LLGL2: variants seen among roughly 807,000 people sequenced by gnomAD.
The protein encoded by LLGL2 is LLGL scribble cell polarity complex component 2, also known as LLGL2, scribble cell polarity complex component.
In LLGL2, 81 loss-of-function variants were observed where a neutral mutation model predicts 123.2. That is an observed-to-expected ratio of 0.66 (90% CI 0.55 to 0.79). The LOEUF is 0.79. LLGL2 is among the 30% of genes least tolerant of loss of function. The pLI is 0.00. For missense variants in LLGL2, 1,273 were observed against 1,414.6 expected (o/e 0.90, Z 1.61); for synonymous variants, 577 against 594.1 (o/e 0.97, Z 0.42).
intron 2 of LLGL2, among the ~76,000 whole-genome samples, chr17:75,550,803 A>AAAC (rs1555653151): frequency 5.9e-5 from 7 of 117,982 alleles, no homozygotes; most frequent in South Asian, 2.6e-4. Flanking sequence ...AAAAAAAAAA[A>AAAC]ACACACACAC....
intron 1 of LLGL2, among the ~76,000 whole-genome samples, chr17:75,537,637 C>G (rs988921375): frequency 6.6e-6 from 1 of 151,590 alleles, no homozygotes; most frequent in Non-Finnish European, 1.5e-5. Context: ...AACACAGTTG[C>G]AGTGAGCTAA....
At chr17:75,529,628 C>T (rs1300940193) in intron 1 of LLGL2, among the ~76,000 whole-genome samples, 3 of 151,820 alleles carry the variant, frequency 2.0e-5, no homozygotes, top group East Asian at 3.9e-4. Flanking sequence ...TTTGGGAGAC[C>T]GAGGCAGACG....
chr17:75,573,699 G>A (rs2055839332), intron 21 of LLGL2, 68 bp downstream of exon 21: 9 of 1,293,802 alleles, frequency 7.0e-6, no homozygotes, highest in Middle Eastern at 2.5e-4. Flanking sequence ...AGATACCGAG[G>A]CTCCCACTGC....
intron 2 of LLGL2, among the ~76,000 whole-genome samples, chr17:75,551,307 G>A (rs1327514839): frequency 6.6e-6 from 1 of 152,058 alleles, no homozygotes; most frequent in African/African-American, 2.4e-5. Flanking sequence ...CCAATCCAAG[G>A]ACAGCTCTGC....
At position 75,564,423 on chromosome 17, in the gene LLGL2, A is replaced by G. The variant is rs1288173361; in HGVS notation, c.952A>G (p.Ile318Val). Residue 318 changes from isoleucine to valine, a missense_variant, in exon 10 of 26, where the codon ATC becomes GTC. Transcript: ENST00000392550. This position sits in a 1 kb window ranked among gnomAD's most constrained non-coding sequence, Gnocchi z 4.9. Reference sequence around the variant, plus strand: ...CGGGGACCGCCACTGCATCTCAGTGATCCACGATGGCCAGCAGACGGCCTT... The same window carrying G: ...CGGGGACCGCCACTGCATCTCAGTGGTCCACGATGGCCAGCAGACGGCCTT... ...SYGDRHCISVIHDGQQTAFDF... is the reference protein window; with the variant it reads ...SYGDRHCISVVHDGQQTAFDF... 6.2e-7 allele frequency: 1 copy of G among 1,613,384 alleles called. No homozygotes were observed. The highest frequency in any genetic ancestry group is 1.1e-5 in the South Asian group (1 of 91,090).
chr17:75,571,003 G>GGC lies in LLGL2; in HGVS notation c.2082_2083dup (p.Pro695ArgfsTer30). On this transcript the variant is annotated frameshift_variant, in exon 17 of 26. Transcript: ENST00000392550. LOFTEE classifies it high-confidence loss of function. ...GGCCAGGCCTCCAGAACATGGAGCT[G>GGC]GCGCCTGTGCAGCGCAAGATCGAGG... is the stretch of plus-strand genomic sequence containing the variant. 6.2e-7 allele frequency: 1 copy of GGC among 1,612,996 alleles called. No individual in the cohort carries two copies. Among genetic ancestry groups the GGC allele is most frequent in the Non-Finnish European group, 8.5e-7 (1 of 1,179,902 alleles).
At position 75,549,950 on chromosome 17, in the gene LLGL2, T is replaced by C. The variant is rs1316877117; in HGVS notation, c.76-6096T>C. On this transcript the variant is annotated intron_variant, in intron 2 of 25. Transcript: ENST00000392550. The surrounding 1 kb of genome is among the most constrained non-coding windows in gnomAD (Gnocchi z 4.0). Reference sequence around the variant, plus strand: ...CAGTCTGGCGGCTTCTGCAAATCTTTGCTCTCCTTTCCCAACCCCCCTGTC... The same window carrying C: ...CAGTCTGGCGGCTTCTGCAAATCTTCGCTCTCCTTTCCCAACCCCCCTGTC... Among the ~76,000 whole-genome samples, 4 of 152,338 alleles carry C rather than the reference T, an allele frequency of 2.6e-5. No homozygotes were observed. In the South Asian group the frequency reaches 6.2e-4, roughly 24 times the overall value.
At chr17:75,573,686 C>A in intron 21 of LLGL2, 55 bp downstream of exon 21, 1 of 1,465,980 alleles carries the variant, frequency 6.8e-7, no homozygotes, top group Non-Finnish European at 9.1e-7. Context: ...CCTGCCCTCT[C>A]TGAGATACCG....
intron 2 of LLGL2, among the ~76,000 whole-genome samples, chr17:75,553,942 T>C (rs2054788579): frequency 6.6e-6 from 1 of 152,124 alleles, no homozygotes; most frequent in South Asian, 2.1e-4. Flanking sequence ...ACAAAGTAAA[T>C]ACTCAACAAT....
intron 1 of LLGL2, among the ~76,000 whole-genome samples, chr17:75,529,292 G>A (rs1237463270): frequency 6.6e-6 from 1 of 151,588 alleles, no homozygotes; most frequent in Non-Finnish European, 1.5e-5. Context: ...TGCCTCCCAG[G>A]TTCAAGCAGT....
At chr17:75,554,602 G>C (rs1021405448) in intron 2 of LLGL2, among the ~76,000 whole-genome samples, 1 of 151,470 alleles carries the variant, frequency 6.6e-6, no homozygotes, top group Admixed American at 6.6e-5. Flanking sequence ...CTGGGCAACA[G>C]AGTGAGACCC....
At chr17:75,553,190 A>G (rs1254121910) in intron 2 of LLGL2, among the ~76,000 whole-genome samples, 1 of 152,182 alleles carries the variant, frequency 6.6e-6, no homozygotes, top group Admixed American at 6.5e-5. Flanking sequence ...CATTTTTCGC[A>G]TAGCTGAACA....
At chr17:75,525,412 G>A (rs1568007915), upstream of LLGL2, among the ~76,000 whole-genome samples, 1 of 152,066 alleles carries the variant, frequency 6.6e-6, no homozygotes, top group Non-Finnish European at 1.5e-5. The surrounding 1 kb of genome is among the most constrained non-coding windows in gnomAD (Gnocchi z 4.8). Flanking sequence ...GGCGTTCCGG[G>A]AACTATTTCC....
At chr17:75,569,162 G>T in intron 13 of LLGL2, 31 bp downstream of exon 13, 2 of 1,612,864 alleles carry the variant, frequency 1.2e-6, no homozygotes, top group Non-Finnish European at 1.7e-6. Context: ...CCCAGGAAGG[G>T]CAGAGGCCAG....
At chr17:75,525,329 G>C (rs2053515580), upstream of LLGL2, among the ~76,000 whole-genome samples, 2 of 151,970 alleles carry the variant, frequency 1.3e-5, no homozygotes, top group Admixed American at 6.5e-5. This position sits in a 1 kb window ranked among gnomAD's most constrained non-coding sequence, Gnocchi z 4.8. Context: ...GCCCGGATCC[G>C]CCCCTCCCTC....
chr17:75,556,083 T>C lies in LLGL2; in HGVS notation c.113T>C (p.Leu38Pro). 6.2e-7 allele frequency: 1 copy of C among 1,609,854 alleles called. No individual in the cohort carries two copies. Among genetic ancestry groups the C allele is most frequent in the Non-Finnish European group, 8.5e-7 (1 of 1,179,978 alleles). ...GGCTTCCCGCACCAGCCCAGCGCCC[T>C]CGGCTACAGCCCGTCCCTGCGCATC... is the stretch of plus-strand genomic sequence containing the variant. ...EHGFPHQPSA[L>P]GYSPSLRILA... is the part of the protein sequence containing the mutation. The change falls in exon 3 of 26, where the codon CTC becomes CCC. Residue 38 changes from leucine to proline, a missense_variant. By Grantham distance (98) the Leu-to-Pro change is moderately conservative (BLOSUM62 -3). Transcript: ENST00000392550.
intron 7 of LLGL2, 40 bp from the exon 8 acceptor site, chr17:75,563,291 C>A: frequency 6.2e-7 from 1 of 1,606,554 alleles, no homozygotes; most frequent in Non-Finnish European, 8.5e-7. Context: ...CCGCCTCGGT[C>A]CAGCGTGCTG....
intron 2 of LLGL2, among the ~76,000 whole-genome samples, chr17:75,550,442 G>T (rs1294158142): frequency 6.6e-6 from 1 of 150,468 alleles, no homozygotes; most frequent in Non-Finnish European, 1.5e-5. Flanking sequence ...TTACAAGGCT[G>T]GTAGGAGTTG....
intron 10 of LLGL2, among the ~76,000 whole-genome samples, chr17:75,565,558 G>T (rs945996109): frequency 6.6e-6 from 1 of 152,204 alleles, no homozygotes; most frequent in Admixed American, 6.5e-5. Context: ...CAGAGCGGGG[G>T]CCTCTTGGGC....
Sources: allele counts gnomAD v4.1 joint callset (sites outside exome capture counted in the v4.1 genomes callset), GRCh38; gene constraint gnomAD v4.1.1; non-coding constraint Gnocchi (gnomAD v3.1); transcripts MANE v1.5; gene names NCBI Gene and HGNC (gene_info 2026-07-23, HGNC 2026-07-21).